Variants in NOS1AP observed in about 807,000 individuals in gnomAD.
NOS1AP encodes nitric oxide synthase 1 adaptor protein, also known as carboxyl-terminal PDZ ligand of neuronal nitric oxide synthase protein.
In NOS1AP, 21 loss-of-function variants were observed where a neutral mutation model predicts 56.2. That is an observed-to-expected ratio of 0.37 (90% CI 0.26 to 0.54). The LOEUF is 0.54. NOS1AP is among the 20% of genes least tolerant of loss of function. The pLI is 0.84. For synonymous variants in NOS1AP, 270 were observed against 274.6 expected, an observed-to-expected ratio of 0.98 and a Z score of 0.17; for missense variants, 522 against 657.8, an observed-to-expected ratio of 0.79 and a Z score of 2.26.
intron 5 of NOS1AP, among the ~76,000 whole-genome samples, chr1:162,342,895 G>C (rs1348892317): frequency 6.6e-6 from 1 of 152,190 alleles, no homozygotes; most frequent in African/African-American, 2.4e-5. Context: ...CATGGTGGTG[G>C]GATGCTTGAG....
At chr1:162,365,089 T>TGG in intron 8 of NOS1AP, 1 of 1,310,712 alleles carries the variant, frequency 7.6e-7, no homozygotes. Flanking sequence ...CACGTGTGTG[T>TGG]GTACGTGTGT....
rs188546853 is a variant in NOS1AP at position 162,214,697 on chromosome 1, T to G, written c.177+60221T>G. Among the ~76,000 whole-genome samples the G allele has an allele frequency of 2.6e-4, 40 of 152,340 alleles. No homozygotes were observed. In the East Asian group the frequency reaches 7.3e-3, roughly 28 times the overall value. On this transcript the variant is annotated intron_variant, in intron 2 of 9. Transcript: ENST00000361897. ...GTATTCATTTGTCTTTTATCTTATA[T>G]TGTATATTTGTTATTGTTTATTGTG...
chr1:162,088,988 C>T (rs1337063), intron 1 of NOS1AP, among the ~76,000 whole-genome samples: 17,427 of 152,214 alleles, frequency 0.11, 2,211 homozygotes, highest in African/African-American at 0.31. Flanking sequence ...ATCTCTCTTC[C>T]ACTCCTTGTG....
At chr1:162,300,489 GTCGT>G in intron 3 of NOS1AP, 140 bp from the exon 4 acceptor site, 1 of 741,658 alleles carries the variant, frequency 1.3e-6, no homozygotes, top group African/African-American at 1.7e-5. Flanking sequence ...TTTTGCACTC[GTCGT>G]TTTGGAGCAA....
intron 4 of NOS1AP, among the ~76,000 whole-genome samples, chr1:162,322,924 G>A (rs191592128): frequency 6.6e-6 from 1 of 152,302 alleles, no homozygotes; most frequent in Admixed American, 6.5e-5. Context: ...GGCAGATGGT[G>A]CAGCAGTTTT....
intron 1 of NOS1AP, among the ~76,000 whole-genome samples, chr1:162,081,774 A>ATATTTTTTTTTTTTTTTTTT: frequency 2.3e-5 from 1 of 44,060 alleles, no homozygotes; most frequent in Non-Finnish European, 4.6e-5. Flanking sequence ...ATATATATAT[A>ATATTTTTTTTTTTTTTTTTT]TTTTTTTTTT....
At chr1:162,366,839 C>T (rs1240600551) in intron 9 of NOS1AP, 15 of 632,708 alleles carry the variant, frequency 2.4e-5, no homozygotes, top group Non-Finnish European at 4.3e-5. Flanking sequence ...GCCTTTACCA[C>T]GTCCCAAAGC....
At chr1:162,302,363 A>G (rs1330009726) in intron 4 of NOS1AP, among the ~76,000 whole-genome samples, 1 of 152,248 alleles carries the variant, frequency 6.6e-6, no homozygotes, top group African/African-American at 2.4e-5. Context: ...ATGGTGATTC[A>G]TCGAAGGGAA....
In NOS1AP at chr1:162,277,072, A is replaced by G. The variant is rs77878167; in HGVS notation, c.178-10272A>G. 7.1e-3 allele frequency among the ~76,000 whole-genome samples: 1,082 copies of G among 152,260 alleles called. 56 individuals carry two copies. The East Asian group carries it at 0.14, about 19-fold the overall frequency. Reference sequence around the variant, plus strand: ...TCTGTGGACCAGTAGTGTCAGCATCATCTGAGACTACGCTAGAAATAAAGA... The same window carrying G: ...TCTGTGGACCAGTAGTGTCAGCATCGTCTGAGACTACGCTAGAAATAAAGA... On this transcript the variant is annotated intron_variant, in intron 2 of 9. Coordinates refer to ENST00000361897, the MANE Select transcript of NOS1AP (RefSeq NM_014697.3).
chr1:162,210,813 A>G (rs889643610), intron 2 of NOS1AP, among the ~76,000 whole-genome samples: 1 of 152,178 alleles, frequency 6.6e-6, no homozygotes, highest in African/African-American at 2.4e-5. Flanking sequence ...GCCTTCCTCT[A>G]TCCACTGACT....
At chr1:162,275,821 T>C (rs1401635622) in intron 2 of NOS1AP, among the ~76,000 whole-genome samples, 1 of 152,216 alleles carries the variant, frequency 6.6e-6, no homozygotes, top group African/African-American at 2.4e-5. Context: ...AGTAGACTCC[T>C]TCCTGCACTC....
At chr1:162,242,084 CTTCA>C (rs1169424398) in intron 2 of NOS1AP, among the ~76,000 whole-genome samples, 1 of 152,030 alleles carries the variant, frequency 6.6e-6, no homozygotes, top group African/African-American at 2.4e-5. Context: ...ACCTTCCTTC[CTTCA>C]TTCATCATCT....
intron 2 of NOS1AP, among the ~76,000 whole-genome samples, chr1:162,170,851 A>G (rs544438464): frequency 1.3e-5 from 2 of 152,162 alleles, no homozygotes; most frequent in Non-Finnish European, 2.9e-5. Flanking sequence ...AGGCAGGAGA[A>G]TCGCTTGAAC....
At chr1:162,221,876 C>T (rs1652793684) in intron 2 of NOS1AP, among the ~76,000 whole-genome samples, 1 of 152,118 alleles carries the variant, frequency 6.6e-6, no homozygotes, top group Non-Finnish European at 1.5e-5. Flanking sequence ...CAAAGATGTC[C>T]TTTCAGGTCA....
At chr1:162,110,386 G>A (rs1394922551) in intron 1 of NOS1AP, among the ~76,000 whole-genome samples, 1 of 151,870 alleles carries the variant, frequency 6.6e-6, no homozygotes, top group Non-Finnish European at 1.5e-5. Flanking sequence ...TTTTAATATG[G>A]ATTATATTAA....
chr1:162,160,324 C>T (rs77526513), intron 2 of NOS1AP, among the ~76,000 whole-genome samples: 3,486 of 152,260 alleles, frequency 0.023, 156 homozygotes, highest in African/African-American at 0.079. Flanking sequence ...GCCAAGCCCT[C>T]CTCTCCCTGT....
intron 2 of NOS1AP, among the ~76,000 whole-genome samples, chr1:162,198,316 C>T (rs1178979831): frequency 1.3e-5 from 2 of 152,206 alleles, no homozygotes; most frequent in African/African-American, 4.8e-5. Context: ...GAGGTTTAAA[C>T]TTTCTGATCG....
At chr1:162,328,473 G>A (rs1348927513) in intron 4 of NOS1AP, among the ~76,000 whole-genome samples, 1 of 152,236 alleles carries the variant, frequency 6.6e-6, no homozygotes, top group Non-Finnish European at 1.5e-5. Flanking sequence ...CCTAAGGATG[G>A]AACTAGAGCA....
chr1:162,106,458 A>G (rs950188061), intron 1 of NOS1AP, among the ~76,000 whole-genome samples: 5 of 152,086 alleles, frequency 3.3e-5, no homozygotes, highest in African/African-American at 7.2e-5. Flanking sequence ...TTTTCTTGCT[A>G]CTGGGGGCTG....
Sources: allele counts gnomAD v4.1 joint callset (sites outside exome capture counted in the v4.1 genomes callset), GRCh38; gene constraint gnomAD v4.1.1; transcripts MANE v1.5; gene names NCBI Gene and HGNC (gene_info 2026-07-23, HGNC 2026-07-21).